HEATR5A: variants seen among roughly 807,000 people sequenced by gnomAD.
HEATR5A encodes the protein HEAT repeat containing 5A.
HEATR5A carries 178 observed loss-of-function variants against 218.8 expected under a neutral mutation model. The observed-to-expected ratio is 0.81, with a 90% CI of 0.72 to 0.92. HEATR5A has a LOEUF of 0.92. Ranked by LOEUF, HEATR5A falls within the 40% of genes least tolerant of loss-of-function variation. The pLI is 0.00. For synonymous variants in HEATR5A, 864 were observed against 871.6 expected (o/e 0.99, Z 0.15); for missense variants, 2,420 against 2,418.9 (o/e 1.00, Z -0.01).
chr14:31,394,694 T>C (rs181783241), intron 5 of HEATR5A, among the ~76,000 whole-genome samples: 5 of 152,216 alleles, frequency 3.3e-5, no homozygotes, highest in Admixed American at 3.3e-4. Context: ...GGCAGGCACC[T>C]GTAGTCCTGG....
chr14:31,298,406 C>G (rs879300717), intron 33 of HEATR5A, among the ~76,000 whole-genome samples: 36 of 152,230 alleles, frequency 2.4e-4, no homozygotes, highest in African/African-American at 7.2e-4. Flanking sequence ...AAAACACAAC[C>G]CATTTTTTTG....
intron 1 of HEATR5A, among the ~76,000 whole-genome samples, chr14:31,416,100 A>G (rs1050713606): frequency 2.0e-5 from 3 of 151,802 alleles, no homozygotes; most frequent in Admixed American, 2.0e-4. Flanking sequence ...CCAGGCGTGT[A>G]CCACCATGCC....
chr14:31,339,589 G>T (rs117223178), intron 21 of HEATR5A, among the ~76,000 whole-genome samples: 1 of 151,724 alleles, frequency 6.6e-6, no homozygotes, highest in African/African-American at 2.4e-5. Flanking sequence ...TGTTGTTGTT[G>T]TTGTTGTTTT....
chr14:31,337,304 C>A (rs375251797), intron 22 of HEATR5A, among the ~76,000 whole-genome samples, 172 bp downstream of exon 22: 1 of 152,200 alleles, frequency 6.6e-6, no homozygotes, highest in South Asian at 2.1e-4. Flanking sequence ...AGTTTGAGAA[C>A]CACCACTCTA....
rs750919103 is a variant in HEATR5A at position 31,321,684 on chromosome 14, T to G, written c.3788-4A>C. On this transcript the variant is annotated splice_region_variant and splice_polypyrimidine_tract_variant and intron_variant, in intron 24 of 35. Coordinates refer to ENST00000543095, the MANE Select transcript of HEATR5A (RefSeq NM_015473.4). Reference sequence around the variant, plus strand: ...AGATGCAGTACCAAAAAGTCATCTATAAGATTAAAAAACATATTGGGAGAA... The same window carrying G: ...AGATGCAGTACCAAAAAGTCATCTAGAAGATTAAAAAACATATTGGGAGAA... 5 of 1,564,360 alleles carry G rather than the reference T, an allele frequency of 3.2e-6. No individual in the cohort carries two copies. The South Asian group carries it at 6.1e-5, about 19-fold the overall frequency.
At chr14:31,400,122 A>G (rs2030816624) in intron 3 of HEATR5A, 179 bp downstream of exon 3, 1 of 474,220 alleles carries the variant, frequency 2.1e-6, no homozygotes, top group Admixed American at 3.9e-5. Flanking sequence ...TATTTGTAGA[A>G]TTGTTTCTCA....
At chr14:31,397,975 T>C (rs758204696) in intron 4 of HEATR5A, among the ~76,000 whole-genome samples, 1 of 152,204 alleles carries the variant, frequency 6.6e-6, no homozygotes, top group Non-Finnish European at 1.5e-5. Context: ...AGGTGCTAAG[T>C]TGTCCTTACA....
intron 28 of HEATR5A, 58 bp from the exon 29 acceptor site, chr14:31,309,240 T>A: frequency 6.4e-7 from 1 of 1,569,286 alleles, no homozygotes; most frequent in Non-Finnish European, 8.7e-7. Context: ...TTTTCTCTTT[T>A]TTCTGTTACA....
At chr14:31,371,733 A>T (rs1902044603) in intron 13 of HEATR5A, 77 bp downstream of exon 13, 2 of 541,528 alleles carry the variant, frequency 3.7e-6, no homozygotes, top group Non-Finnish European at 6.2e-6. Context: ...CAACTACAGA[A>T]ATTTGCCTTA....
intron 27 of HEATR5A, among the ~76,000 whole-genome samples, chr14:31,315,268 T>TCTACTTTTG (rs1402768775): frequency 6.6e-6 from 1 of 152,232 alleles, no homozygotes; most frequent in East Asian, 1.9e-4. Context: ...TACTATTAGG[T>TCTACTTTTG]CTACTTTTGC....
At chr14:31,379,902 G>T (rs897453657) in intron 11 of HEATR5A, among the ~76,000 whole-genome samples, 1 of 152,170 alleles carries the variant, frequency 6.6e-6, no homozygotes. Context: ...AGGCTGCAGT[G>T]AGCCATGATC....
rs373966140 is a variant in HEATR5A, at chr14:31,371,092, A to ACATTCATTCATTCATT, written c.1961+702_1961+717dup. ...AATAAAGTTATATTGGAACACAGCC[A>ACATTCATTCATTCATT]CATTCATTCATTCATTCATTCATTC... is the stretch of plus-strand genomic sequence containing the variant. On this transcript the variant is annotated intron_variant, in intron 13 of 35. Transcript: ENST00000543095. Among the ~76,000 whole-genome samples the ACATTCATTCATTCATT allele has an allele frequency of 1.7e-4, 26 of 152,290 alleles. No individual in the cohort carries two copies. The South Asian group carries it at 4.8e-3, about 28-fold the overall frequency.
At chr14:31,379,262 T>C (rs2029888276) in intron 11 of HEATR5A, among the ~76,000 whole-genome samples, 1 of 130,086 alleles carries the variant, frequency 7.7e-6, no homozygotes, top group South Asian at 2.5e-4. Flanking sequence ...ATTTTTTGTT[T>C]TATTTTGAGA....
In HEATR5A at chr14:31,369,338, C is replaced by T. The variant is rs75610909; in HGVS notation, c.1961+2472G>A. On this transcript the variant is annotated intron_variant, in intron 13 of 35. Transcript: ENST00000543095. Reference sequence around the variant, plus strand: ...CTCACAAACAAGAAAAAAGGCTGAGCGTGATGGCTCATGCTTGTAATCCCA... The same window carrying T: ...CTCACAAACAAGAAAAAAGGCTGAGTGTGATGGCTCATGCTTGTAATCCCA... Among the ~76,000 whole-genome samples, 1,438 of 151,052 alleles carry T rather than the reference C, an allele frequency of 9.5e-3. 11 individuals are homozygous for T. Among genetic ancestry groups the T allele is most frequent in the Middle Eastern group, 0.024 (7 of 288 alleles).
At chr14:31,294,211 A>G (rs1032186935) in intron 34 of HEATR5A, 107 bp from the exon 35 acceptor site, 1 of 748,778 alleles carries the variant, frequency 1.3e-6, no homozygotes, top group African/African-American at 1.8e-5. Context: ...ATTTATTTCT[A>G]ATTTGTGTTT....
chr14:31,336,706 G>A (rs118040457), intron 22 of HEATR5A, among the ~76,000 whole-genome samples: 2,303 of 152,188 alleles, frequency 0.015, 148 homozygotes, highest in Admixed American at 0.11. Context: ...GAGATTCTGC[G>A]GCAAACAGAG....
chr14:31,312,085 C>T (rs1398890851), intron 28 of HEATR5A, among the ~76,000 whole-genome samples: 1 of 152,078 alleles, frequency 6.6e-6, no homozygotes, highest in Admixed American at 6.6e-5. Flanking sequence ...TTAAAACTGA[C>T]AGGGAGAGGG....
At chr14:31,369,981 C>CA (rs1411872078) in intron 13 of HEATR5A, among the ~76,000 whole-genome samples, 1 of 145,476 alleles carries the variant, frequency 6.9e-6, no homozygotes, top group East Asian at 2.1e-4. Flanking sequence ...ATAATCCTAG[C>CA]ACTTTGGGAG....
chr14:31,312,475 C>T (rs1176170655), intron 28 of HEATR5A, among the ~76,000 whole-genome samples: 3 of 150,840 alleles, frequency 2.0e-5, no homozygotes, highest in East Asian at 2.0e-4. Context: ...TGCAGTGGCA[C>T]GATCTCAGCT....
Sources: allele counts gnomAD v4.1 joint callset (sites outside exome capture counted in the v4.1 genomes callset), GRCh38; gene constraint gnomAD v4.1.1; transcripts MANE v1.5; gene names NCBI Gene and HGNC (gene_info 2026-07-23, HGNC 2026-07-21).